The following GJC2 variants were observed in gnomAD, a reference collection of about 807,000 sequenced individuals.
GJC2 encodes gap junction protein gamma 2.
For missense variants in GJC2, 647 were observed against 648.9 expected (o/e 1.00, Z 0.03); for synonymous variants, 336 against 307.5 (o/e 1.09, Z -0.97).
intron 1 of GJC2, among the ~76,000 whole-genome samples, chr1:228,153,745 G>A (rs941292573): frequency 6.6e-6 from 1 of 151,430 alleles, no homozygotes; most frequent in African/African-American, 2.4e-5. Flanking sequence ...ACCACGCCCG[G>A]CTAATTTTTG....
chr1:228,153,046 C>T (rs1454036131), intron 1 of GJC2, among the ~76,000 whole-genome samples: 1 of 152,062 alleles, frequency 6.6e-6, no homozygotes, highest in Non-Finnish European at 1.5e-5. Context: ...CTTGTGTGCA[C>T]ATAGTCTGCA....
intron 1 of GJC2, among the ~76,000 whole-genome samples, chr1:228,153,897 A>AAAAAAT (rs1300846828): frequency 6.6e-6 from 1 of 152,044 alleles, no homozygotes; most frequent in Admixed American, 6.5e-5. Context: ...CCCATTTCTT[A>AAAAAAT]AAAAATAAAA....
At position 228,150,124 on chromosome 1, in the gene GJC2, G is replaced by T. The variant is rs2124961120; in HGVS notation, c.-20+117G>T. 1 of 152,430 alleles carries T rather than the reference G, an allele frequency of 6.6e-6. No homozygotes were observed. The highest frequency in any genetic ancestry group is 1.9e-4 in the East Asian group (1 of 5,170). The allele number at this position is 152,430 out of a possible 1,614,324, so 9.4% of individuals were successfully genotyped here. ...CCCGAAGGAGGGAGGGCTTCCTAGG[G>T]CCCAGCCATAGGAGGGTGCACTCCT... On this transcript the variant is annotated intron_variant, in intron 1 of 1. Transcript: ENST00000366714. The surrounding 1 kb of genome is among the most constrained non-coding windows in gnomAD (Gnocchi z 4.6).
rs1011652150 is a variant in GJC2, at chr1:228,158,771, G to A, written c.1013G>A (p.Arg338Gln). The change falls in exon 2 of 2, where the codon CGG (arginine) becomes CAG (glutamine). Residue 338 changes from arginine (R) to glutamine (Q), a missense_variant. Transcript: ENST00000366714. The surrounding 1 kb of genome is among the most constrained non-coding windows in gnomAD (Gnocchi z 8.3). ...ACPPDYSLVV[R>Q]AAERARAHDQ... ...CCGCCCGACTACAGCCTGGTGGTGC[G>A]GGCGGCCGAGCGCGCTCGGGCGCAT... 1.6e-5 allele frequency: 22 copies of A among 1,403,022 alleles called. No individual in the cohort carries two copies. In the African/African-American group the frequency reaches 3.2e-4, roughly 21 times the overall value. 86.9% of individuals were successfully genotyped at this position (1,403,022 alleles called of 1,614,324 possible).
In GJC2 at chr1:228,158,979, C is replaced by T. The variant is rs1205331630; in HGVS notation, c.1221C>T (p.Gly407=). Residue 407 remains glycine, a synonymous_variant, in exon 2 of 2, where the codon GGC becomes GGT. Transcript: ENST00000366714. This position sits in a 1 kb window ranked among gnomAD's most constrained non-coding sequence, Gnocchi z 8.3. ...CTGCGGGCACTGTCGGGGAGCAGGG[C>T]CGGCCCGGCACCCACGAGCGGCCAG... The part of the protein sequence containing the change: ...ATSAGTVGEQ[G]RPGTHERPGA... 2 of 1,598,444 alleles carry T rather than the reference C, an allele frequency of 1.3e-6. No individual in the cohort carries two copies. The highest frequency in any genetic ancestry group is 1.1e-5 in the South Asian group (1 of 89,710).
rs532281251 is a variant in GJC2 at position 228,158,793 on chromosome 1, G to T, written c.1035G>T (p.Ala345=). ...TGCGGGCGGCCGAGCGCGCTCGGGC[G>T]CATGACCAGAACCTGGCAAACCTGG... is the stretch of plus-strand genomic sequence containing the variant. ...LVVRAAERAR[A]HDQNLANLAL... The change falls in exon 2 of 2, where the codon GCG becomes GCT. Residue 345 remains alanine, a synonymous_variant. Coordinates refer to ENST00000366714, the MANE Select transcript of GJC2 (RefSeq NM_020435.4). This position sits in a 1 kb window ranked among gnomAD's most constrained non-coding sequence, Gnocchi z 8.3. 3.5e-6 allele frequency: 5 copies of T among 1,436,744 alleles called. No individual in the cohort carries two copies. Among genetic ancestry groups the T allele is most frequent in the African/African-American group, 1.5e-5 (1 of 66,048 alleles). The allele number at this position is 1,436,744 out of a possible 1,614,324, so 89.0% of individuals were successfully genotyped here.
chr1:228,159,260 A>C lies in GJC2; in HGVS notation c.*182A>C. 1 of 698,878 alleles carries C rather than the reference A, an allele frequency of 1.4e-6. No individual in the cohort carries two copies. The highest frequency in any genetic ancestry group is 2.9e-5 in the Admixed American group (1 of 34,050). 43.3% of individuals were successfully genotyped at this position (698,878 alleles called of 1,614,324 possible). A position where few individuals can be genotyped will look rare whatever the true frequency, so the allele number is the denominator to read the frequency against. ...GGCAGAGGAGTGCCCTGGCTTGGTC[A>C]CCACTGGGGCCAAGGTGGGGTGGAG... On this transcript the variant is annotated 3_prime_UTR_variant, in exon 2 of 2. Transcript: ENST00000366714. The surrounding 1 kb of genome is among the most constrained non-coding windows in gnomAD (Gnocchi z 4.0).
At position 228,158,701 on chromosome 1, in the gene GJC2, C is replaced by G. The variant is rs773110812; in HGVS notation, c.943C>G (p.Pro315Ala). The change falls in exon 2 of 2, where the codon CCC (proline) becomes GCC (alanine). Residue 315 changes from proline (P) to alanine (A), a missense_variant. Transcript: ENST00000366714. This position sits in a 1 kb window ranked among gnomAD's most constrained non-coding sequence, Gnocchi z 8.3. ...CTCCGCCCCCGCCCCCGCGCCGCGG[C>G]CCCCGCCCTGCGCCTTCCCTGCGGC... ...PASAPAPAPRPPPCAFPAAAA... is the reference protein window; with the variant it reads ...PASAPAPAPRAPPCAFPAAAA... 3.4e-6 allele frequency: 4 copies of G among 1,160,252 alleles called. No individual in the cohort carries two copies. The South Asian group carries it at 8.7e-5, about 25-fold the overall frequency. 71.9% of individuals were successfully genotyped at this position (1,160,252 alleles called of 1,614,324 possible). A position where few individuals can be genotyped will look rare whatever the true frequency, so the allele number is the denominator to read the frequency against.
rs6668719 is a variant in GJC2 at position 228,159,651 on chromosome 1, A to G, written c.*573A>G. 0.85 allele frequency: 144,098 copies of G among 168,834 alleles called. 62,867 individuals carry two copies. Among genetic ancestry groups the G allele is most frequent in the Non-Finnish European group, 0.95 (65,539 of 69,184 alleles). 10.5% of individuals were successfully genotyped at this position (168,834 alleles called of 1,614,324 possible). On this transcript the variant is annotated 3_prime_UTR_variant, in exon 2 of 2. Coordinates refer to ENST00000366714, the MANE Select transcript of GJC2 (RefSeq NM_020435.4). This position sits in a 1 kb window ranked among gnomAD's most constrained non-coding sequence, Gnocchi z 4.0. ...CCTCTGGGAGGCTTGAAGTTCTGCAAAGATGTTGATATGCCTTGCAGCTTG... is the reference window on the plus strand; with the variant it reads ...CCTCTGGGAGGCTTGAAGTTCTGCAGAGATGTTGATATGCCTTGCAGCTTG...
At chr1:228,153,020 G>C (rs2034638695) in intron 1 of GJC2, among the ~76,000 whole-genome samples, 1 of 152,132 alleles carries the variant, frequency 6.6e-6, no homozygotes, top group South Asian at 2.1e-4. Flanking sequence ...GTAGCTTTGG[G>C]GTGAGATCTC....
Position 228,158,112 on chromosome 1 carries a change from G to A in GJC2, c.354G>A (p.Pro118=), listed in dbSNP as rs755057463. ...QERRRALRRR[P]GPRRAPRAHL... is the part of the protein sequence containing the mutation. ...GGCGCCGCGCCCTCCGCCGCCGCCC[G>A]GGGCCACGCCGCGCGCCCCGAGCGC... The change falls in exon 2 of 2, where the codon CCG becomes CCA. Residue 118 remains proline (P), a synonymous_variant. Coordinates refer to ENST00000366714, the MANE Select transcript of GJC2 (RefSeq NM_020435.4). This position sits in a 1 kb window ranked among gnomAD's most constrained non-coding sequence, Gnocchi z 8.3. 4.7e-6 allele frequency: 6 copies of A among 1,288,170 alleles called. No individual in the cohort carries two copies. Among genetic ancestry groups the A allele is most frequent in the Non-Finnish European group, 5.9e-6 (6 of 1,014,720 alleles). The allele number at this position is 1,288,170 out of a possible 1,614,324, so 79.8% of individuals were successfully genotyped here. A position where few individuals can be genotyped will look rare whatever the true frequency, so the allele number is the denominator to read the frequency against.
At position 228,158,511 on chromosome 1, in the gene GJC2, G is replaced by A; in HGVS notation, c.753G>A (p.Pro251=). The change falls in exon 2 of 2, where the codon CCG becomes CCA. Residue 251 remains proline, a synonymous_variant. Transcript: ENST00000366714. This position sits in a 1 kb window ranked among gnomAD's most constrained non-coding sequence, Gnocchi z 8.3. ...TTCCCTGCAGCCGCCAGCCCTGCCC[G>A]CACGTGGTGGACTGCTTCGTGTCGC... The part of the protein sequence containing the change: ...PFFPCSRQPC[P]HVVDCFVSRP... The A allele has an allele frequency of 1.2e-6, 2 of 1,612,868 alleles. No individual in the cohort carries two copies. The highest frequency in any genetic ancestry group is 1.7e-6 in the Non-Finnish European group (2 of 1,179,666).
intron 1 of GJC2, among the ~76,000 whole-genome samples, chr1:228,153,280 T>C (rs2034641349): frequency 6.6e-6 from 1 of 152,006 alleles, no homozygotes; most frequent in Non-Finnish European, 1.5e-5. Context: ...TCCCAGCTCT[T>C]TGGGAGGCTG....
chr1:228,153,320 A>C (rs1250372985), intron 1 of GJC2, among the ~76,000 whole-genome samples: 1 of 151,834 alleles, frequency 6.6e-6, no homozygotes, highest in African/African-American at 2.4e-5. Flanking sequence ...CAGGAGATCA[A>C]GGAGACGATG....
chr1:228,158,210 G>T lies in GJC2; in HGVS notation c.452G>T (p.Gly151Val), dbSNP rs752648245. 2 of 1,489,608 alleles carry T rather than the reference G, an allele frequency of 1.3e-6. No individual in the cohort carries two copies. The highest frequency in any genetic ancestry group is 1.8e-6 in the Non-Finnish European group (2 of 1,123,724). 92.3% of individuals were successfully genotyped at this position (1,489,608 alleles called of 1,614,324 possible). ...LGEEEPMLGL[G>V]EEEEEEETGA... ...GAGGAGGAGCCCATGCTGGGCCTGG[G>T]CGAGGAGGAGGAGGAGGAGGAGACG... is the stretch of plus-strand genomic sequence containing the variant. The change falls in exon 2 of 2, where the codon GGC (glycine) becomes GTC (valine). Residue 151 changes from glycine to valine, a missense_variant. Coordinates refer to ENST00000366714, the MANE Select transcript of GJC2 (RefSeq NM_020435.4). This position sits in a 1 kb window ranked among gnomAD's most constrained non-coding sequence, Gnocchi z 8.3.
chr1:228,159,101 C>T lies in GJC2; in HGVS notation c.*23C>T, dbSNP rs1288721382. 6.2e-7 allele frequency: 1 copy of T among 1,607,912 alleles called. No homozygotes were observed. The highest frequency in any genetic ancestry group is 1.3e-5 in the African/African-American group (1 of 74,320). On this transcript the variant is annotated 3_prime_UTR_variant, in exon 2 of 2. Coordinates refer to ENST00000366714, the MANE Select transcript of GJC2 (RefSeq NM_020435.4). The surrounding 1 kb of genome is among the most constrained non-coding windows in gnomAD (Gnocchi z 4.0). ...TGAGGGCGCTGGCTTGCGAGCTGGG[C>T]CAGGGAGGAGGAGGGTTGGGGGGCT...
At chr1:228,156,349 G>C (rs1417182354) in intron 1 of GJC2, among the ~76,000 whole-genome samples, 1 of 152,246 alleles carries the variant, frequency 6.6e-6, no homozygotes, top group Non-Finnish European at 1.5e-5. Context: ...TTGCATGTGT[G>C]TCTGAGCATG....
At position 228,158,728 on chromosome 1, in the gene GJC2, G is replaced by C; in HGVS notation, c.970G>C (p.Ala324Pro). The change falls in exon 2 of 2, where the codon GCC (alanine) becomes CCC (proline). Residue 324 changes from alanine (A) to proline (P), a missense_variant. Transcript: ENST00000366714. This position sits in a 1 kb window ranked among gnomAD's most constrained non-coding sequence, Gnocchi z 8.3. ...CCCGCCCTGCGCCTTCCCTGCGGCG[G>C]CCGCTGGCTTGGCCTGCCCGCCCGA... is the stretch of plus-strand genomic sequence containing the variant. ...RPPPCAFPAA[A>P]AGLACPPDYS... 7.5e-7 allele frequency: 1 copy of C among 1,332,452 alleles called. No homozygotes were observed. Among genetic ancestry groups the C allele is most frequent in the Non-Finnish European group, 9.6e-7 (1 of 1,036,904 alleles). 82.5% of individuals were successfully genotyped at this position (1,332,452 alleles called of 1,614,324 possible). A position where few individuals can be genotyped will look rare whatever the true frequency, so the allele number is the denominator to read the frequency against.
chr1:228,158,033 T>C lies in GJC2; in HGVS notation c.275T>C (p.Val92Ala). 6.2e-7 allele frequency: 1 copy of C among 1,610,586 alleles called. No individual in the cohort carries two copies. The highest frequency in any genetic ancestry group is 8.5e-7 in the Non-Finnish European group (1 of 1,179,516). The change falls in exon 2 of 2, where the codon GTC (valine) becomes GCC (alanine). Residue 92 changes from valine to alanine, a missense_variant. Coordinates refer to ENST00000366714, the MANE Select transcript of GJC2 (RefSeq NM_020435.4). The surrounding 1 kb of genome is among the most constrained non-coding windows in gnomAD (Gnocchi z 8.3). ...FQIVVISTPS[V>A]MYLGYAVHRL... ...ATTGTGGTCATCTCCACGCCCTCGG[T>C]CATGTACCTGGGCTACGCCGTGCAC...
Sources: gnomAD v4.1 joint callset for allele counts (sites outside exome capture counted in the v4.1 genomes callset) on GRCh38, gnomAD v4.1.1 for gene constraint, Gnocchi (gnomAD v3.1) non-coding constraint, MANE v1.5 for transcripts, NCBI Gene and HGNC (gene_info 2026-07-23, HGNC 2026-07-21) for gene names.